Variants in PCDHGA6 observed in about 807,000 individuals in gnomAD.
PCDHGA6 encodes protocadherin gamma-A6.
In PCDHGA6, 41 loss-of-function variants were observed where a neutral mutation model predicts 60.6. The observed-to-expected ratio is 0.68, with a 90% CI of 0.53 to 0.88. The LOEUF (loss-of-function observed/expected upper bound fraction) is 0.88, where lower values mean the gene tolerates loss of function less well. Among genes scored for constraint, PCDHGA6 ranks in the 40% least tolerant of loss-of-function variants. PCDHGA6 has a pLI of 0.00. For missense variants in PCDHGA6, 1,312 were observed against 1,203.0 expected, an observed-to-expected ratio of 1.09 and a Z score of -1.34; for synonymous variants, 594 against 524.4, an observed-to-expected ratio of 1.13 and a Z score of -1.81.
At chr5:141,421,303 G>A (rs1456288695) in intron 1 of PCDHGA6, 1 of 1,613,660 alleles carries the variant, frequency 6.2e-7, no homozygotes, top group Non-Finnish European at 8.5e-7. Flanking sequence ...GACGCTGCGG[G>A]GGTTCCGGGC....
At chr5:141,495,960 C>G (rs1380397345) in intron 2 of PCDHGA6, among the ~76,000 whole-genome samples, 2 of 151,998 alleles carry the variant, frequency 1.3e-5, no homozygotes, top group East Asian at 3.9e-4. Context: ...CTTTTTCTGC[C>G]TCTTTCTCTG....
intron 1 of PCDHGA6, among the ~76,000 whole-genome samples, chr5:141,438,872 G>T (rs13178044): frequency 0.11 from 16,734 of 151,118 alleles, 1,094 homozygotes; most frequent in African/African-American, 0.17. Flanking sequence ...CATCAAGTTG[G>T]CCAGGCTGCT....
chr5:141,465,413 G>A (rs996581829), intron 1 of PCDHGA6, among the ~76,000 whole-genome samples: 1 of 152,174 alleles, frequency 6.6e-6, no homozygotes, highest in Non-Finnish European at 1.5e-5. Context: ...AGCCAAATCA[G>A]CACTGAAAGG....
intron 1 of PCDHGA6, among the ~76,000 whole-genome samples, chr5:141,437,723 G>A (rs2097904411): frequency 6.6e-6 from 1 of 150,736 alleles, no homozygotes; most frequent in South Asian, 2.1e-4. Context: ...ACCCTCTAAT[G>A]TTACACTTTG....
intron 1 of PCDHGA6, chr5:141,422,014 C>T (rs1472942387): frequency 1.9e-6 from 3 of 1,610,040 alleles, no homozygotes; most frequent in African/African-American, 1.3e-5. Flanking sequence ...AACTCGGGTG[C>T]TGATGGTTAA....
rs774649069 is a variant in PCDHGA6 at position 141,477,417 on chromosome 5, C to G, written c.2425-17390C>G. The G allele has an allele frequency of 1.2e-6, 2 of 1,614,172 alleles. No individual in the cohort carries two copies. The highest frequency in any genetic ancestry group is 2.7e-5 in the African/African-American group (2 of 75,032). On this transcript the variant is annotated intron_variant, in intron 1 of 3. Coordinates refer to ENST00000517434, the MANE Select transcript of PCDHGA6 (RefSeq NM_018919.3). The surrounding 1 kb of genome is among the most constrained non-coding windows in gnomAD (Gnocchi z 4.9). Reference sequence around the variant, plus strand: ...AGCATCACCGCCCGAGACGCCGGAACCCCTTCCCTCTCAGCCCTTACAATA... The same window carrying G: ...AGCATCACCGCCCGAGACGCCGGAAGCCCTTCCCTCTCAGCCCTTACAATA...
chr5:141,389,787 G>A, intron 1 of PCDHGA6: 1 of 1,613,328 alleles, frequency 6.2e-7, no homozygotes, highest in Non-Finnish European at 8.5e-7. Flanking sequence ...CGACAGGGAC[G>A]CCGTCCGCCA....
At chr5:141,394,821 G>A (rs2093106496) in intron 1 of PCDHGA6, 2 of 1,613,744 alleles carry the variant, frequency 1.2e-6, no homozygotes, top group East Asian at 2.2e-5. Flanking sequence ...CAGCATCCCC[G>A]AAGTCCTGAC....
chr5:141,375,119 G>A lies in PCDHGA6; in HGVS notation c.1036G>A (p.Glu346Lys). Reference protein sequence around the residue: ...TILDVNDNVPEVVVTSGSRTI... With the variant: ...TILDVNDNVPKVVVTSGSRTI... ...CTTGGATGTCAATGATAATGTACCA[G>A]AAGTGGTTGTTACATCTGGAAGCAG... Residue 346 changes from glutamate (E) to lysine (K), a missense_variant, in exon 1 of 4, where the codon GAA becomes AAA. Transcript: ENST00000517434. 1 of 1,613,940 alleles carries A rather than the reference G, an allele frequency of 6.2e-7. No individual in the cohort carries two copies. Among genetic ancestry groups the A allele is most frequent in the Non-Finnish European group, 8.5e-7 (1 of 1,179,896 alleles).
chr5:141,376,552 C>G lies in PCDHGA6; in HGVS notation c.2424+45C>G, dbSNP rs372170088. On this transcript the variant is annotated intron_variant, in intron 1 of 3. Transcript: ENST00000517434. ...AGCGGGAAGAGTAATCTGATCTTCC[C>G]GCAACCCAACTAATCAGACAGGCTC... 3 of 1,611,220 alleles carry G rather than the reference C, an allele frequency of 1.9e-6. No individual in the cohort carries two copies. The African/African-American group carries it at 4.0e-5, about 22-fold the overall frequency.
At chr5:141,458,459 A>G (rs1232004043) in intron 1 of PCDHGA6, among the ~76,000 whole-genome samples, 1 of 152,006 alleles carries the variant, frequency 6.6e-6, no homozygotes, top group African/African-American at 2.4e-5. Flanking sequence ...AATTTTTAAA[A>G]TACCGTACAA....
At chr5:141,462,627 A>T (rs1200455153) in intron 1 of PCDHGA6, among the ~76,000 whole-genome samples, 1 of 150,276 alleles carries the variant, frequency 6.7e-6, no homozygotes, top group East Asian at 1.9e-4. Flanking sequence ...TAGAAGTTCC[A>T]TTTGACTCTT....
rs1177173734 is a variant in PCDHGA6, at chr5:141,491,741, G to T, written c.2425-3066G>T. 1.3e-6 allele frequency: 2 copies of T among 1,595,762 alleles called. No individual in the cohort carries two copies. On this transcript the variant is annotated intron_variant, in intron 1 of 3. Transcript: ENST00000517434. This position sits in a 1 kb window ranked among gnomAD's most constrained non-coding sequence, Gnocchi z 6.9. ...CCGCCCCGGGCGACCCCTGGGGGCG[G>T]CACTGGAGAAGCCGCCCGTCCTCAT... is the stretch of plus-strand genomic sequence containing the variant.
chr5:141,373,994 G>C lies in PCDHGA6; in HGVS notation c.-90G>C, dbSNP rs1355942933. 8.0e-6 allele frequency: 10 copies of C among 1,243,924 alleles called. 1 individual carries two copies. Among genetic ancestry groups the C allele is most frequent in the African/African-American group, 3.0e-5 (2 of 65,694 alleles). The allele number at this position is 1,243,924 out of a possible 1,614,324, so 77.1% of individuals were successfully genotyped here. A position where few individuals can be genotyped will look rare whatever the true frequency, so the allele number is the denominator to read the frequency against. On this transcript the variant is annotated 5_prime_UTR_variant, in exon 1 of 4. Transcript: ENST00000517434. ...CGCATCCGGTCTCTGCTTGTTGAAG[G>C]ACCTTCACCGCTATTTCTGAGAAGA...
intron 1 of PCDHGA6, among the ~76,000 whole-genome samples, chr5:141,484,535 A>G (rs2099597486): frequency 6.6e-6 from 1 of 152,178 alleles, no homozygotes. Flanking sequence ...AGTATATGGC[A>G]GTGGTTCTAA....
intron 1 of PCDHGA6, among the ~76,000 whole-genome samples, chr5:141,481,309 T>C (rs577046585): frequency 2.6e-4 from 39 of 152,310 alleles, no homozygotes; most frequent in African/African-American, 9.1e-4. Context: ...GGAAAAACCT[T>C]CCTAAAGCAC....
chr5:141,457,899 C>CA (rs2098931976), intron 1 of PCDHGA6, among the ~76,000 whole-genome samples: 1 of 148,818 alleles, frequency 6.7e-6, no homozygotes, highest in Admixed American at 6.7e-5. Context: ...ACTGTGTAGA[C>CA]AAGGTGTGAG....
Position 141,487,532 on chromosome 5 carries a change from A to T in PCDHGA6, c.2425-7275A>T. 6.2e-7 allele frequency: 1 copy of T among 1,614,158 alleles called. No homozygotes were observed. The highest frequency in any genetic ancestry group is 8.5e-7 in the Non-Finnish European group (1 of 1,180,022). ...ACCCACTCGGAGTGATAGCTTCATG[A>T]TGGTGAAGTCACCCAGTGCACCTAT... is the stretch of plus-strand genomic sequence containing the variant. On this transcript the variant is annotated intron_variant, in intron 1 of 3. Transcript: ENST00000517434. This position sits in a 1 kb window ranked among gnomAD's most constrained non-coding sequence, Gnocchi z 5.0.
chr5:141,488,113 T>C (rs1053996929), intron 1 of PCDHGA6, among the ~76,000 whole-genome samples: 1 of 152,084 alleles, frequency 6.6e-6, no homozygotes, highest in African/African-American at 2.4e-5. Flanking sequence ...ATTTGAAACA[T>C]AGAGACAGCA....
Sources: gnomAD v4.1 joint callset for allele counts (sites outside exome capture counted in the v4.1 genomes callset) on GRCh38, gnomAD v4.1.1 for gene constraint, Gnocchi (gnomAD v3.1) non-coding constraint, MANE v1.5 for transcripts, NCBI Gene and HGNC (gene_info 2026-07-23, HGNC 2026-07-21) for gene names.